Variants in PPP2R5E observed in about 807,000 individuals in gnomAD.
The protein encoded by PPP2R5E is serine/threonine-protein phosphatase 2A 56 kDa regulatory subunit epsilon isoform.
PPP2R5E carries 4 observed loss-of-function variants against 65.3 expected under a neutral mutation model. That is an observed-to-expected ratio of 0.06 (90% CI 0.03 to 0.14). PPP2R5E has a LOEUF of 0.14. Among genes scored for constraint, PPP2R5E ranks in the 10% least tolerant of loss-of-function variants. The pLI, the probability that PPP2R5E is intolerant of heterozygous loss-of-function variation, is 1.00. For synonymous variants in PPP2R5E, 183 were observed against 187.4 expected, an observed-to-expected ratio of 0.98 and a Z score of 0.19; for missense variants, 274 against 556.1, an observed-to-expected ratio of 0.49 and a Z score of 5.10.
intron 2 of PPP2R5E, among the ~76,000 whole-genome samples, chr14:63,487,105 C>A (rs1594931050): frequency 6.6e-6 from 1 of 152,320 alleles, no homozygotes; most frequent in South Asian, 2.1e-4. Flanking sequence ...CATAAACCCA[C>A]ATCTATACTC....
intron 1 of PPP2R5E, among the ~76,000 whole-genome samples, chr14:63,540,664 G>A (rs922014963): frequency 6.6e-6 from 1 of 151,192 alleles, no homozygotes; most frequent in South Asian, 2.1e-4. Context: ...CGGAGTTGTG[G>A]TGAGCCAAGA....
At chr14:63,424,369 C>T (rs74060085) in intron 3 of PPP2R5E, among the ~76,000 whole-genome samples, 2,333 of 151,954 alleles carry the variant, frequency 0.015, 60 homozygotes, top group African/African-American at 0.054. Flanking sequence ...CAGGTCAGAA[C>T]CAGAGACATA....
chr14:63,394,304 A>C (rs948645688), intron 7 of PPP2R5E, among the ~76,000 whole-genome samples: 2 of 152,024 alleles, frequency 1.3e-5, no homozygotes, highest in African/African-American at 4.8e-5. Flanking sequence ...AGACTGGTCT[A>C]GAACTCTTAA....
chr14:63,488,628 C>G (rs1891123322), intron 2 of PPP2R5E, among the ~76,000 whole-genome samples: 1 of 152,042 alleles, frequency 6.6e-6, no homozygotes, highest in Admixed American at 6.6e-5. Flanking sequence ...TTGGGCAGAT[C>G]ACTTGAAGTC....
intron 12 of PPP2R5E, among the ~76,000 whole-genome samples, chr14:63,382,407 T>C (rs1884419493): frequency 6.6e-6 from 1 of 151,696 alleles, no homozygotes. Context: ...TAATTTCTTT[T>C]TTTTTTTTTT....
chr14:63,508,541 C>G (rs1333557725), intron 2 of PPP2R5E, among the ~76,000 whole-genome samples: 1 of 152,100 alleles, frequency 6.6e-6, no homozygotes, highest in African/African-American at 2.4e-5. Context: ...AGGTATGAGC[C>G]CTCTCAATAT....
At chr14:63,422,503 G>A (rs1250481501) in intron 3 of PPP2R5E, among the ~76,000 whole-genome samples, 1 of 152,094 alleles carries the variant, frequency 6.6e-6, no homozygotes, top group African/African-American at 2.4e-5. Context: ...AAGGTGGGGG[G>A]ATCACGAGGT....
chr14:63,527,929 A>AG (rs1479623653), intron 2 of PPP2R5E, among the ~76,000 whole-genome samples: 1 of 151,998 alleles, frequency 6.6e-6, no homozygotes, highest in Non-Finnish European at 1.5e-5. Context: ...TGTAAGAAAA[A>AG]AAAAAAAAAA....
intron 2 of PPP2R5E, among the ~76,000 whole-genome samples, chr14:63,522,101 G>A (rs1255461925): frequency 1.3e-5 from 2 of 151,370 alleles, no homozygotes; most frequent in African/African-American, 2.4e-5. Context: ...GCGCCGCCAC[G>A]CCTGACTGGT....
At chr14:63,394,078 T>A in intron 7 of PPP2R5E, 150 bp from the exon 8 acceptor site, 1 of 412,810 alleles carries the variant, frequency 2.4e-6, no homozygotes, top group African/African-American at 3.1e-5. Context: ...TCCTTTTTTT[T>A]TTTTTTTTTT....
At chr14:63,480,927 CCAAA>C (rs1467047961) in intron 2 of PPP2R5E, among the ~76,000 whole-genome samples, 1 of 152,190 alleles carries the variant, frequency 6.6e-6, no homozygotes, top group East Asian at 1.9e-4. Context: ...CTCCCTGTCA[CCAAA>C]CAAAGGGTCG....
chr14:63,482,787 G>C (rs1225255607), intron 2 of PPP2R5E, among the ~76,000 whole-genome samples: 1 of 152,138 alleles, frequency 6.6e-6, no homozygotes. Flanking sequence ...AAATCTAACA[G>C]AATAACCTGT....
intron 2 of PPP2R5E, among the ~76,000 whole-genome samples, chr14:63,493,232 C>T (rs905326926): frequency 1.3e-5 from 2 of 151,272 alleles, no homozygotes; most frequent in Non-Finnish European, 2.9e-5. Context: ...TAACCCCAAA[C>T]TCCTGGGCTC....
Position 63,415,163 on chromosome 14 carries a change from T to C in PPP2R5E, c.526A>G (p.Ile176Val), listed in dbSNP as rs979994932. 3.1e-6 allele frequency: 5 copies of C among 1,594,356 alleles called. No homozygotes were observed. The highest frequency in any genetic ancestry group is 2.2e-5 in the East Asian group (1 of 44,654). The change falls in exon 5 of 14, where the codon ATA (isoleucine) becomes GTA (valine). Residue 176 changes from isoleucine (I) to valine (V), a missense_variant. Coordinates refer to ENST00000337537, the MANE Select transcript of PPP2R5E (RefSeq NM_006246.5). Reference protein sequence around the residue: ...EFQPSIAKKYIDQKFVLQLLE... With the variant: ...EFQPSIAKKYVDQKFVLQLLE... Reference sequence around the variant, plus strand: ...ACCTGTAATACAAATTTCTGATCTATATATTTTTTGGCAATGCTGGGTTGG... The same window carrying C: ...ACCTGTAATACAAATTTCTGATCTACATATTTTTTGGCAATGCTGGGTTGG...
intron 2 of PPP2R5E, among the ~76,000 whole-genome samples, chr14:63,463,055 T>C (rs1451140259): frequency 5.7e-5 from 8 of 140,336 alleles, no homozygotes; most frequent in African/African-American, 1.9e-4. Context: ...TGAGCTGAGA[T>C]GGCGCCATTG....
chr14:63,498,094 C>T (rs1891671162), intron 2 of PPP2R5E, among the ~76,000 whole-genome samples: 1 of 152,172 alleles, frequency 6.6e-6, no homozygotes, highest in East Asian at 1.9e-4. Flanking sequence ...ACCATCTTAT[C>T]AGAAATGAAC....
intron 3 of PPP2R5E, among the ~76,000 whole-genome samples, chr14:63,442,331 T>C (rs114308892): frequency 7.2e-5 from 11 of 152,310 alleles, no homozygotes; most frequent in African/African-American, 2.6e-4. Flanking sequence ...ATATCACTCA[T>C]TTCTCTTCCA....
At chr14:63,390,595 G>A (rs893484076) in intron 10 of PPP2R5E, among the ~76,000 whole-genome samples, 3 of 152,176 alleles carry the variant, frequency 2.0e-5, no homozygotes, top group African/African-American at 7.2e-5. Context: ...GGGTAGCAAT[G>A]CACAGTTCAA....
intron 11 of PPP2R5E, 145 bp from the exon 12 acceptor site, chr14:63,384,716 A>T (rs1884559979): frequency 3.3e-6 from 2 of 601,648 alleles, no homozygotes; most frequent in African/African-American, 3.8e-5. Flanking sequence ...ATCACATTTT[A>T]ATATATATAT....
Sources: gnomAD v4.1 joint callset for allele counts (sites outside exome capture counted in the v4.1 genomes callset) on GRCh38, gnomAD v4.1.1 for gene constraint, MANE v1.5 for transcripts, NCBI Gene and HGNC (gene_info 2026-07-23, HGNC 2026-07-21) for gene names.